The following ANKS1B variants were observed in gnomAD, a reference collection of about 807,000 sequenced individuals.
The protein encoded by ANKS1B is ankyrin repeat and sterile alpha motif domain-containing protein 1B.
Under a neutral mutation model 148.3 loss-of-function variants are expected in ANKS1B, and 36 were observed. The observed-to-expected ratio is 0.24, with a 90% CI of 0.19 to 0.32. The LOEUF (loss-of-function observed/expected upper bound fraction) is 0.32. Among genes scored for constraint, ANKS1B ranks in the 10% least tolerant of loss-of-function variants. The pLI is 1.00. For synonymous variants in ANKS1B, 542 were observed against 560.8 expected, an observed-to-expected ratio of 0.97 and a Z score of 0.47; for missense variants, 1,157 against 1,542.6, an observed-to-expected ratio of 0.75 and a Z score of 4.19.
At position 99,180,626 on chromosome 12, in the gene ANKS1B, GTT is replaced by G. The variant is rs11415606; in HGVS notation, c.2420-26233_2420-26232del. 9.6e-3 allele frequency among the ~76,000 whole-genome samples: 1,203 copies of G among 125,960 alleles called. 26 individuals are homozygous for G. The highest frequency in any genetic ancestry group is 0.092 in the East Asian group (401 of 4,366). The allele number at this position is 125,960 out of a possible 152,430, so 82.6% of individuals were successfully genotyped here. A position where few individuals can be genotyped will look rare whatever the true frequency, so the allele number is the denominator to read the frequency against. ...TGGGGAAAGTTCTTTGAGGGAAAGG[GTT>G]TTTTTTTTTTTTTTTTTTTAATCTG... On this transcript the variant is annotated intron_variant, in intron 14 of 26. Transcript: ENST00000683438.
At chr12:99,463,540 A>G (rs183393775) in intron 10 of ANKS1B, among the ~76,000 whole-genome samples, 83 of 152,280 alleles carry the variant, frequency 5.5e-4, no homozygotes, top group Non-Finnish European at 8.4e-4. Flanking sequence ...TCCTAGTCAA[A>G]GAAAGGGGTG....
At chr12:98,929,398 T>C (rs1017869306) in intron 17 of ANKS1B, among the ~76,000 whole-genome samples, 14 of 152,066 alleles carry the variant, frequency 9.2e-5, no homozygotes, top group African/African-American at 2.4e-4. Context: ...GTATCTCAGC[T>C]GCCTTATTTG....
intron 12 of ANKS1B, among the ~76,000 whole-genome samples, chr12:99,328,071 C>T (rs774275189): frequency 3.3e-5 from 5 of 151,634 alleles, no homozygotes; most frequent in African/African-American, 4.8e-5. Flanking sequence ...GGATAACTGA[C>T]CAAATGTGCA....
intron 9 of ANKS1B, among the ~76,000 whole-genome samples, chr12:99,610,392 G>A (rs1052347782): frequency 9.2e-5 from 14 of 152,062 alleles, no homozygotes; most frequent in Non-Finnish European, 1.9e-4. Flanking sequence ...TGAAATGAGG[G>A]TCTTGTGACC....
At chr12:99,094,209 C>T (rs1170079251) in intron 15 of ANKS1B, among the ~76,000 whole-genome samples, 1 of 151,994 alleles carries the variant, frequency 6.6e-6, no homozygotes, top group Non-Finnish European at 1.5e-5. Flanking sequence ...AATTTACAGT[C>T]TAGTGGAGAA....
intron 1 of ANKS1B, among the ~76,000 whole-genome samples, chr12:99,874,051 C>T (rs1464920366): frequency 7.0e-6 from 1 of 142,788 alleles, no homozygotes; most frequent in East Asian, 1.9e-4. Flanking sequence ...CCTGTTGGTT[C>T]TGTTTCTCTG....
chr12:99,834,006 T>C (rs371535370), intron 1 of ANKS1B, among the ~76,000 whole-genome samples: 15 of 152,108 alleles, frequency 9.9e-5, no homozygotes, highest in African/African-American at 3.6e-4. Flanking sequence ...TCTAGGCACA[T>C]ATCCACATAT....
At chr12:99,968,571 A>G (rs1341872995) in intron 1 of ANKS1B, among the ~76,000 whole-genome samples, 1 of 152,052 alleles carries the variant, frequency 6.6e-6, no homozygotes, top group Admixed American at 6.6e-5. Context: ...CAATCAATCA[A>G]TCAATCAATC....
intron 8 of ANKS1B, among the ~76,000 whole-genome samples, chr12:99,708,256 C>T (rs539813082): frequency 4.6e-5 from 7 of 152,148 alleles, no homozygotes; most frequent in South Asian, 2.1e-4. Flanking sequence ...TTTAATGACC[C>T]GATGTCATGA....
intron 17 of ANKS1B, among the ~76,000 whole-genome samples, chr12:98,937,501 T>C (rs2099819914): frequency 6.6e-6 from 1 of 152,130 alleles, no homozygotes; most frequent in South Asian, 2.1e-4. Flanking sequence ...TTGCTTATAC[T>C]ACTCTTTTTG....
chr12:99,768,102 C>T (rs6538946), intron 8 of ANKS1B, among the ~76,000 whole-genome samples: 67,120 of 151,878 alleles, frequency 0.44, 15,187 homozygotes, highest in South Asian at 0.61. Flanking sequence ...ATATGTAAAA[C>T]ACATTAATTA....
intron 9 of ANKS1B, among the ~76,000 whole-genome samples, chr12:99,646,214 A>C (rs2098361830): frequency 6.6e-6 from 1 of 152,186 alleles, no homozygotes; most frequent in African/African-American, 2.4e-5. Flanking sequence ...GGAAGTTAAG[A>C]TATAAAGACT....
At chr12:99,038,796 G>A (rs921225223) in intron 17 of ANKS1B, among the ~76,000 whole-genome samples, 1 of 152,170 alleles carries the variant, frequency 6.6e-6, no homozygotes, top group African/African-American at 2.4e-5. Flanking sequence ...ATCTCTGCAT[G>A]GCTTCTTCCC....
chr12:99,621,520 C>T (rs2098050266), intron 9 of ANKS1B, among the ~76,000 whole-genome samples: 1 of 148,578 alleles, frequency 6.7e-6, no homozygotes, highest in African/African-American at 2.5e-5. Context: ...ACATCTTACA[C>T]ATAACACCAC....
intron 14 of ANKS1B, among the ~76,000 whole-genome samples, chr12:99,180,487 C>T (rs1189560614): frequency 1.3e-5 from 2 of 152,130 alleles, no homozygotes; most frequent in East Asian, 3.8e-4. Flanking sequence ...GCAGTGCTTA[C>T]TTTCCCAAAA....
At position 98,895,087 on chromosome 12, in the gene ANKS1B, G is replaced by A. The variant is rs907345338; in HGVS notation, c.2779-62951C>T. The A allele has an allele frequency of 1.3e-5, 13 of 977,244 alleles. No individual in the cohort carries two copies. In the African/African-American group the frequency reaches 1.8e-4, roughly 13 times the overall value. 60.5% of individuals were successfully genotyped at this position (977,244 alleles called of 1,614,324 possible). ...CCGCGGCTGCTGCCCGGGGTGGGCG[G>A]CGAGGCGGGGGGGAGGTGTCGGCTT... On this transcript the variant is annotated intron_variant, in intron 17 of 26. Transcript: ENST00000683438.
chr12:99,222,183 G>A (rs552136722), intron 14 of ANKS1B, among the ~76,000 whole-genome samples: 71 of 152,188 alleles, frequency 4.7e-4, no homozygotes, highest in South Asian at 1.2e-3. Flanking sequence ...CTTGTACCTC[G>A]GTTAAATATC....
intron 9 of ANKS1B, among the ~76,000 whole-genome samples, chr12:99,515,413 G>C (rs368330487): frequency 6.6e-6 from 1 of 152,044 alleles, no homozygotes; most frequent in African/African-American, 2.4e-5. Context: ...CCACAAATAA[G>C]TGAGAACATG....
intron 1 of ANKS1B, among the ~76,000 whole-genome samples, chr12:99,928,661 C>T (rs193091254): frequency 2.9e-3 from 443 of 152,222 alleles, no homozygotes; most frequent in Middle Eastern, 0.017. Context: ...TATAGATTTT[C>T]CTGAATGATG....
Sources: gnomAD v4.1 joint callset for allele counts (sites outside exome capture counted in the v4.1 genomes callset) on GRCh38, gnomAD v4.1.1 for gene constraint, MANE v1.5 for transcripts, NCBI Gene and HGNC (gene_info 2026-07-23, HGNC 2026-07-21) for gene names.